The following A2M variants were observed in gnomAD, a reference collection of about 807,000 sequenced individuals.
A2M encodes alpha-2-macroglobulin.
In A2M, 128 loss-of-function variants were observed where a neutral mutation model predicts 183.9. The ratio of observed to expected loss-of-function variants is 0.70; its 90% confidence interval spans 0.60 to 0.81. The LOEUF is 0.81. Ranked by LOEUF, A2M falls within the 30% of genes least tolerant of loss-of-function variation. The pLI is 0.00. For missense variants in A2M, 1,495 were observed against 1,787.6 expected, an observed-to-expected ratio of 0.84 and a Z score of 2.95; for synonymous variants, 592 against 670.8, an observed-to-expected ratio of 0.88 and a Z score of 1.81.
At chr12:9,097,549 G>A (rs537627821) in intron 15 of A2M, among the ~76,000 whole-genome samples, 5 of 151,166 alleles carry the variant, frequency 3.3e-5, no homozygotes, top group East Asian at 3.9e-4. Context: ...ATTTCCCTAA[G>A]TTTTGTTCCT....
chr12:9,109,271 A>G (rs1302919339), intron 7 of A2M, 50 bp downstream of exon 7: 1 of 1,435,684 alleles, frequency 7.0e-7, no homozygotes, highest in South Asian at 1.2e-5. Flanking sequence ...CCAAATGGTG[A>G]GTCTCTTTTA....
chr12:9,072,406 A>C lies in A2M; in HGVS notation c.4056T>G (p.Cys1352Trp). The C allele has an allele frequency of 6.2e-7, 1 of 1,613,944 alleles. No individual in the cohort carries two copies. The highest frequency in any genetic ancestry group is 8.5e-7 in the Non-Finnish European group (1 of 1,179,880). Reference sequence around the variant, plus strand: ...AGCTGGTGTGGGCTTTGGGTTCATCACAAGTTTGAGGCAGAGTCTGCACTC... The same window carrying C: ...AGCTGGTGTGGGCTTTGGGTTCATCCCAAGTTTGAGGCAGAGTCTGCACTC... Reference protein sequence around the residue: ...ALGVQTLPQTCDEPKAHTSFQ... With the variant: ...ALGVQTLPQTWDEPKAHTSFQ... Residue 1352 changes from cysteine (C) to tryptophan (W), a missense_variant, in exon 31 of 36, where the codon TGT (cysteine) becomes TGG (tryptophan). Coordinates refer to ENST00000318602, the MANE Select transcript of A2M (RefSeq NM_000014.6).
intron 4 of A2M, chr12:9,111,577 G>C: frequency 2.2e-6 from 1 of 456,048 alleles, no homozygotes; most frequent in Non-Finnish European, 4.4e-6. Context: ...GAGAGAAAGA[G>C]AAACAAGAAC....
At chr12:9,088,802 G>A (rs1484108545) in intron 22 of A2M, among the ~76,000 whole-genome samples, 7 of 152,274 alleles carry the variant, frequency 4.6e-5, no homozygotes, top group East Asian at 1.9e-4. Context: ...TAGCAATCCC[G>A]TTATCAAATA....
intron 1 of A2M, among the ~76,000 whole-genome samples, chr12:9,114,832 T>G (rs572329117): frequency 1.3e-5 from 2 of 152,166 alleles, no homozygotes; most frequent in East Asian, 3.8e-4. Flanking sequence ...AAACATTTCC[T>G]TCTGACTGAG....
Position 9,106,567 on chromosome 12 carries a change from G to T in A2M, c.918C>A (p.Thr306=), listed in dbSNP as rs1170843045. 1.3e-6 allele frequency: 2 copies of T among 1,591,744 alleles called. No homozygotes were observed. The highest frequency in any genetic ancestry group is 3.5e-5 in the Admixed American group (2 of 56,962). The change falls in exon 9 of 36, where the codon ACC becomes ACA. Residue 306 remains threonine, a synonymous_variant. Coordinates refer to ENST00000318602, the MANE Select transcript of A2M (RefSeq NM_000014.6). ...SHGCFYQQVK[T]KVFQLKRKEY... is the part of the protein sequence containing the mutation. ...CCTTCCTCTTCAGCTGGAAGACCTTGGTTTTTACTTGCTGATAGAAGCAGC... is the reference window on the plus strand; with the variant it reads ...CCTTCCTCTTCAGCTGGAAGACCTTTGTTTTTACTTGCTGATAGAAGCAGC...
intron 11 of A2M, among the ~76,000 whole-genome samples, chr12:9,104,021 G>A (rs983848968): frequency 4.6e-5 from 7 of 152,094 alleles, no homozygotes; most frequent in Non-Finnish European, 8.8e-5. Flanking sequence ...GCCATTTTAC[G>A]TTCCCAGCAA....
intron 27 of A2M, 30 bp downstream of exon 27, chr12:9,077,316 C>T: frequency 1.3e-6 from 2 of 1,590,984 alleles, no homozygotes; most frequent in East Asian, 2.2e-5. Context: ...CCAGAACTCT[C>T]CTTCAGCAGA....
At chr12:9,074,105 AAAG>A (rs1214330129) in intron 29 of A2M, among the ~76,000 whole-genome samples, 86 of 135,664 alleles carry the variant, frequency 6.3e-4, no homozygotes, top group Non-Finnish European at 9.9e-4. Context: ...AAAAAAAAAA[AAAG>A]GTGAATAGGG....
At chr12:9,107,676 G>T (rs760854202) in intron 7 of A2M, 32 bp from the exon 8 acceptor site, 1 of 1,610,002 alleles carries the variant, frequency 6.2e-7, no homozygotes, top group East Asian at 2.2e-5. Flanking sequence ...AGGAATCAGA[G>T]CAGACACTGA....
chr12:9,073,897 G>C (rs765858541), intron 29 of A2M, among the ~76,000 whole-genome samples: 9 of 152,156 alleles, frequency 5.9e-5, no homozygotes, highest in African/African-American at 2.2e-4. Context: ...AGATCAGCCT[G>C]GGCAACATGG....
intron 16 of A2M, 133 bp from the exon 17 acceptor site, chr12:9,095,217 G>A: frequency 3.8e-6 from 2 of 532,658 alleles, no homozygotes; most frequent in African/African-American, 2.0e-5. Context: ...ATCTGTAGAA[G>A]GGATATTTAT....
At position 9,093,515 on chromosome 12, in the gene A2M, G is replaced by A. The variant is rs773985561; in HGVS notation, c.2190C>T (p.Thr730=). Reference sequence around the variant, plus strand: ...ATGTCTCAGGGAAGTACTTTCGTACGGTCTCCGTGTGAGGCTCTTCAACAT... The same window carrying A: ...ATGTCTCAGGGAAGTACTTTCGTACAGTCTCCGTGTGAGGCTCTTCAACAT... ...LVHVEEPHTE[T]VRKYFPETWI... is the part of the protein sequence containing the mutation. The change falls in exon 18 of 36, where the codon ACC becomes ACT. Residue 730 remains threonine (T), a synonymous_variant. Transcript: ENST00000318602. 58 of 1,613,622 alleles carry A rather than the reference G, an allele frequency of 3.6e-5. 1 individual carries two copies. In the South Asian group the frequency reaches 4.0e-4, roughly 11 times the overall value.
Position 9,072,670 on chromosome 12 carries a change from C to G in A2M, c.3958G>C (p.Gly1320Arg). The change falls in exon 30 of 36, where the codon GGA (glycine) becomes CGA (arginine). Residue 1320 changes from glycine to arginine, a missense_variant. By Grantham distance (125) the Gly-to-Arg change is moderately radical. Transcript: ENST00000318602. ...GEYSMKVTGE[G>R]CVYLQTSLKY... ...AGTCTCACCTGGAGGTAGACACATC[C>G]TTCTCCTGTCACTTTCATGCTGTAT... is the stretch of plus-strand genomic sequence containing the variant. The G allele has an allele frequency of 6.2e-7, 1 of 1,614,188 alleles. No individual in the cohort carries two copies. Among genetic ancestry groups the G allele is most frequent in the African/African-American group, 1.3e-5 (1 of 75,034 alleles).
At chr12:9,097,186 A>C (rs1219190477) in intron 15 of A2M, among the ~76,000 whole-genome samples, 1 of 152,226 alleles carries the variant, frequency 6.6e-6, no homozygotes, top group Non-Finnish European at 1.5e-5. Flanking sequence ...TATCCTCTTG[A>C]GATCCTACTG....
At chr12:9,092,701 G>A (rs1949250135) in intron 18 of A2M, among the ~76,000 whole-genome samples, 1 of 152,124 alleles carries the variant, frequency 6.6e-6, no homozygotes, top group Admixed American at 6.5e-5. Context: ...AAAACAGTAT[G>A]GAGATACCTC....
Position 9,107,597 on chromosome 12 carries a change from C to T in A2M, c.806G>A (p.Cys269Tyr). 2 of 1,613,976 alleles carry T rather than the reference C, an allele frequency of 1.2e-6. No homozygotes were observed. Among genetic ancestry groups the T allele is most frequent in the Non-Finnish European group, 1.7e-6 (2 of 1,179,898 alleles). ...PVPGHVTVSI[C>Y]RKYSDASDCH... ...GTCGGAAGCGTCACTATACTTTCTGCAAATGCTCACAGTCACATGTCCAGG... is the reference window on the plus strand; with the variant it reads ...GTCGGAAGCGTCACTATACTTTCTGTAAATGCTCACAGTCACATGTCCAGG... Residue 269 changes from cysteine (C) to tyrosine (Y), a missense_variant, in exon 8 of 36, where the codon TGC (cysteine) becomes TAC (tyrosine). Physicochemically the swap from Cys to Tyr is radical, Grantham distance 194 (BLOSUM62 -2). Transcript: ENST00000318602.
At chr12:9,113,233 G>C (rs1938880371) in intron 2 of A2M, 127 bp downstream of exon 2, 3 of 920,364 alleles carry the variant, frequency 3.3e-6, no homozygotes, top group African/African-American at 3.4e-5. Context: ...TCTATACTTA[G>C]TTTGCTACAT....
chr12:9,115,300 G>A (rs1364892364), intron 1 of A2M: 1 of 155,190 alleles, frequency 6.4e-6, no homozygotes, highest in African/African-American at 2.4e-5. Flanking sequence ...AGAGTCCCTT[G>A]CTTTTTCAAT....
Sources: gnomAD v4.1 joint callset for allele counts (sites outside exome capture counted in the v4.1 genomes callset) on GRCh38, gnomAD v4.1.1 for gene constraint, MANE v1.5 for transcripts, NCBI Gene and HGNC (gene_info 2026-07-23, HGNC 2026-07-21) for gene names.